Variants in AKT3 observed in about 807,000 individuals in gnomAD.
AKT3 encodes the protein RAC-gamma serine/threonine-protein kinase.
Under a neutral mutation model 65.3 loss-of-function variants are expected in AKT3, and 15 were observed. That is an observed-to-expected ratio of 0.23 (90% CI 0.15 to 0.35). AKT3 has a LOEUF of 0.35. Among genes scored for constraint, AKT3 ranks in the 10% least tolerant of loss-of-function variants. The probability of loss-of-function intolerance (pLI) is 1.00; values close to 1 mark genes in which losing one functional copy is unlikely to be tolerated. For missense variants in AKT3, 243 were observed against 576.5 expected (o/e 0.42, Z 5.92); for synonymous variants, 206 against 183.8 (o/e 1.12, Z -0.98).
chr1:243,718,661 G>A (rs925041342), intron 2 of AKT3, among the ~76,000 whole-genome samples: 2 of 151,050 alleles, frequency 1.3e-5, no homozygotes, highest in Non-Finnish European at 3.0e-5. Flanking sequence ...TTTCAGTAGA[G>A]ACGGGGTTTC....
chr1:243,712,786 A>G (rs1686244613), intron 2 of AKT3, among the ~76,000 whole-genome samples: 1 of 152,230 alleles, frequency 6.6e-6, no homozygotes, highest in Non-Finnish European at 1.5e-5. Context: ...AAACATGCTC[A>G]CTTCCATCTA....
chr1:243,790,096 G>A (rs926049674), intron 2 of AKT3, among the ~76,000 whole-genome samples: 3 of 152,316 alleles, frequency 2.0e-5, no homozygotes, highest in African/African-American at 2.4e-5. Context: ...AAGGAGCACT[G>A]ACTTCAACTT....
intron 2 of AKT3, among the ~76,000 whole-genome samples, chr1:243,794,754 C>A (rs1397914369): frequency 6.6e-6 from 1 of 152,194 alleles, no homozygotes; most frequent in Non-Finnish European, 1.5e-5. Context: ...TGGGAGAGAG[C>A]ATACTGCTCA....
At chr1:243,565,902 TAG>T (rs1674124165) in intron 9 of AKT3, among the ~76,000 whole-genome samples, 1 of 152,228 alleles carries the variant, frequency 6.6e-6, no homozygotes, top group African/African-American at 2.4e-5. Flanking sequence ...TGAAGATCTT[TAG>T]TGAATACTCT....
intron 2 of AKT3, among the ~76,000 whole-genome samples, chr1:243,697,138 TATAA>T (rs1273326472): frequency 9.9e-5 from 15 of 152,042 alleles, no homozygotes; most frequent in South Asian, 4.1e-4. Flanking sequence ...AAATAGATTT[TATAA>T]ATGTTTTACT....
intron 3 of AKT3, among the ~76,000 whole-genome samples, chr1:243,670,702 T>C (rs925110015): frequency 6.6e-6 from 1 of 152,234 alleles, no homozygotes; most frequent in Admixed American, 6.5e-5. Flanking sequence ...ACTCTTATTA[T>C]AACATCTACT....
At chr1:243,561,411 T>C (rs1434553987) in intron 10 of AKT3, among the ~76,000 whole-genome samples, 1 of 152,146 alleles carries the variant, frequency 6.6e-6, no homozygotes, top group Non-Finnish European at 1.5e-5. Flanking sequence ...CCAGGACGTA[T>C]GTAGTTTAAA....
chr1:243,595,563 T>C (rs1314480065), intron 8 of AKT3, among the ~76,000 whole-genome samples: 2 of 152,258 alleles, frequency 1.3e-5, no homozygotes, highest in Non-Finnish European at 2.9e-5. Context: ...TGTACAGCTA[T>C]ACAAAAATAT....
At chr1:243,558,179 C>G (rs1370587432) in intron 10 of AKT3, among the ~76,000 whole-genome samples, 1 of 152,044 alleles carries the variant, frequency 6.6e-6, no homozygotes, top group Admixed American at 6.6e-5. Context: ...ACATTTCAAG[C>G]AAGTTAGCTT....
At chr1:243,681,664 G>A (rs1455997883) in intron 3 of AKT3, among the ~76,000 whole-genome samples, 1 of 152,078 alleles carries the variant, frequency 6.6e-6, no homozygotes, top group Non-Finnish European at 1.5e-5. Flanking sequence ...TGCTGACGAC[G>A]TATTACTTGA....
intron 2 of AKT3, among the ~76,000 whole-genome samples, chr1:243,802,234 T>C (rs1360522462): frequency 1.3e-5 from 2 of 152,168 alleles, no homozygotes; most frequent in African/African-American, 2.4e-5. Context: ...CAATACACTA[T>C]TAAGCCTAAC....
intron 1 of AKT3, among the ~76,000 whole-genome samples, chr1:243,846,073 T>C (rs950606778): frequency 2.0e-5 from 3 of 152,198 alleles, no homozygotes; most frequent in Non-Finnish European, 4.4e-5. Context: ...ATAGATGGCA[T>C]CATAAGTGAA....
chr1:243,806,262 C>A (rs1313120846), intron 2 of AKT3, among the ~76,000 whole-genome samples: 1 of 152,106 alleles, frequency 6.6e-6, no homozygotes, highest in Non-Finnish European at 1.5e-5. Context: ...TTCATCTCAC[C>A]CAATAACTAT....
At chr1:243,699,765 T>C (rs2148038900) in intron 2 of AKT3, among the ~76,000 whole-genome samples, 1 of 152,028 alleles carries the variant, frequency 6.6e-6, no homozygotes, top group East Asian at 1.9e-4. Flanking sequence ...TGATTAACAA[T>C]TAAGGATTCT....
chr1:243,781,447 A>G (rs1369539854), intron 2 of AKT3, among the ~76,000 whole-genome samples: 1 of 152,116 alleles, frequency 6.6e-6, no homozygotes, highest in Non-Finnish European at 1.5e-5. Flanking sequence ...CCTCTGTCGA[A>G]TGCCTCTTCA....
At chr1:243,618,505 G>A (rs1678499875) in intron 6 of AKT3, among the ~76,000 whole-genome samples, 2 of 152,068 alleles carry the variant, frequency 1.3e-5, no homozygotes, top group African/African-American at 4.8e-5. Flanking sequence ...TAGTAAAACA[G>A]TGACTAAAAC....
chr1:243,650,486 C>A (rs539377008), intron 4 of AKT3, among the ~76,000 whole-genome samples: 2 of 152,306 alleles, frequency 1.3e-5, no homozygotes, highest in East Asian at 3.9e-4. Flanking sequence ...TTGCCCATGC[C>A]TATGTCCTGA....
intron 6 of AKT3, among the ~76,000 whole-genome samples, chr1:243,633,445 T>G (rs929374736): frequency 3.3e-5 from 5 of 152,168 alleles, no homozygotes; most frequent in African/African-American, 1.2e-4. Context: ...AAATTAGTAG[T>G]CTTGTTTTTG....
At chr1:243,636,101 T>C (rs1463008559) in intron 6 of AKT3, among the ~76,000 whole-genome samples, 1 of 151,922 alleles carries the variant, frequency 6.6e-6, no homozygotes, top group Non-Finnish European at 1.5e-5. Flanking sequence ...GGGATACAAG[T>C]GAGGCTAATA....
Sources: gnomAD v4.1 joint callset for allele counts (sites outside exome capture counted in the v4.1 genomes callset) on GRCh38, gnomAD v4.1.1 for gene constraint, MANE v1.5 for transcripts, NCBI Gene and HGNC (gene_info 2026-07-23, HGNC 2026-07-21) for gene names.